DSCAM: variants seen among roughly 807,000 people sequenced by gnomAD.
DSCAM encodes DS cell adhesion molecule.
In DSCAM, 47 loss-of-function variants were observed where a neutral mutation model predicts 217.7. The observed-to-expected ratio is 0.22, with a 90% CI of 0.17 to 0.28. The LOEUF is 0.28. Among genes scored for constraint, DSCAM ranks in the 10% least tolerant of loss-of-function variants. The pLI, the probability that DSCAM is intolerant of heterozygous loss-of-function variation, is 1.00. For synonymous variants in DSCAM, 1,056 were observed against 1,015.3 expected, an observed-to-expected ratio of 1.04 and a Z score of -0.76; for missense variants, 2,080 against 2,618.3, an observed-to-expected ratio of 0.79 and a Z score of 4.49.
rs555820259 is a variant in DSCAM at position 40,435,418 on chromosome 21, G to T, written c.509-66173C>A. The stretch of plus-strand genomic sequence containing the variant: ...TGGGATCCATTCTGAGTGAATTTTT[G>T]TATAATCTTTATGTCAAACCCTGGT... On this transcript the variant is annotated intron_variant, in intron 3 of 32. Coordinates refer to ENST00000400454, the MANE Select transcript of DSCAM (RefSeq NM_001389.5). 4.0e-4 allele frequency among the ~76,000 whole-genome samples: 61 copies of T among 152,080 alleles called. 1 individual carries two copies. The highest frequency in any genetic ancestry group is 6.3e-4 in the Non-Finnish European group (43 of 67,998).
intron 3 of DSCAM, among the ~76,000 whole-genome samples, chr21:40,676,905 C>T (rs1217480139): frequency 6.6e-6 from 1 of 152,016 alleles, no homozygotes; most frequent in Non-Finnish European, 1.5e-5. Flanking sequence ...GGGCCTCGTG[C>T]TCCCTGGCTC....
At position 40,016,275 on chromosome 21, in the gene DSCAM, AGAG is replaced by A. The variant is rs1206185909; in HGVS notation, c.5687-2892_5687-2890del. ...GTCAATGACAAGTGGGAGTGGTGAC[AGAG>A]GAGAAGGGGTTAGGGGTGACTCCTT... is the stretch of plus-strand genomic sequence containing the variant. On this transcript the variant is annotated intron_variant, in intron 32 of 32. Transcript: ENST00000400454. The surrounding 1 kb of genome is among the most constrained non-coding windows in gnomAD (Gnocchi z 4.3). Among the ~76,000 whole-genome samples, 1 of 152,194 alleles carries A rather than the reference AGAG, an allele frequency of 6.6e-6. No homozygotes were observed. The highest frequency in any genetic ancestry group is 1.5e-5 in the Non-Finnish European group (1 of 68,038).
At position 40,325,122 on chromosome 21, in the gene DSCAM, T is replaced by G. The variant is rs144271637; in HGVS notation, c.1784-12763A>C. Among the ~76,000 whole-genome samples, 322 of 152,346 alleles carry G rather than the reference T, an allele frequency of 2.1e-3. 4 individuals carry two copies. The Middle Eastern group carries it at 0.024, about 11-fold the overall frequency. On this transcript the variant is annotated intron_variant, in intron 8 of 32. Coordinates refer to ENST00000400454, the MANE Select transcript of DSCAM (RefSeq NM_001389.5). ...GAAAAGGTCATAGCTCTTTAGAAGCTTGGTTAATAATAACTGACTTGAAGA... is the reference window on the plus strand; with the variant it reads ...GAAAAGGTCATAGCTCTTTAGAAGCGTGGTTAATAATAACTGACTTGAAGA...
chr21:40,238,742 C>G (rs1040971095), intron 11 of DSCAM, among the ~76,000 whole-genome samples: 1 of 152,160 alleles, frequency 6.6e-6, no homozygotes, highest in Non-Finnish European at 1.5e-5. Context: ...CCTTAAATGA[C>G]ATGCAACTAT....
At chr21:40,233,868 T>C (rs190892293) in intron 11 of DSCAM, among the ~76,000 whole-genome samples, 4 of 152,316 alleles carry the variant, frequency 2.6e-5, no homozygotes, top group Admixed American at 2.6e-4. Flanking sequence ...GTAATAGTTC[T>C]TGCATGTTAA....
At chr21:40,319,121 C>A (rs2074232349) in intron 8 of DSCAM, among the ~76,000 whole-genome samples, 1 of 152,060 alleles carries the variant, frequency 6.6e-6, no homozygotes, top group Non-Finnish European at 1.5e-5. Context: ...TTTGAAATAC[C>A]ACATTTGAAT....
At chr21:40,577,627 G>C (rs988266092) in intron 3 of DSCAM, among the ~76,000 whole-genome samples, 1 of 152,238 alleles carries the variant, frequency 6.6e-6, no homozygotes, top group South Asian at 2.1e-4. Context: ...GACGAGAGAC[G>C]GCTAACGCTC....
Position 40,029,416 on chromosome 21 carries a change from A to T in DSCAM, c.5686+12955T>A, listed in dbSNP as rs557629126. Among the ~76,000 whole-genome samples the T allele has an allele frequency of 4.5e-4, 63 of 140,878 alleles. 1 individual carries two copies. The South Asian group carries it at 4.7e-3, about 11-fold the overall frequency. 92.4% of individuals were successfully genotyped at this position (140,878 alleles called of 152,430 possible). A position where few individuals can be genotyped will look rare whatever the true frequency, so the allele number is the denominator to read the frequency against. On this transcript the variant is annotated intron_variant, in intron 32 of 32. Transcript: ENST00000400454. ...TTTCAGCCCCTTCCTTGGGGAATGC[A>T]TTTGAGGTTGTTTTTTTTTTTTTTA...
intron 3 of DSCAM, among the ~76,000 whole-genome samples, chr21:40,659,593 G>C (rs1237163758): frequency 1.3e-5 from 2 of 151,578 alleles, no homozygotes; most frequent in Non-Finnish European, 2.9e-5. Flanking sequence ...TCATCTATCT[G>C]CCTTTCTACC....
chr21:40,726,581 TGTAA>T lies in DSCAM; in HGVS notation c.44-17814_44-17811del, dbSNP rs1048601109. The stretch of plus-strand genomic sequence containing the variant: ...AAAAATACTCACAGAAAGCAAAGTC[TGTAA>T]GTGAGTGTGTTTCCAGAGAGTTTGT... On this transcript the variant is annotated intron_variant, in intron 1 of 32. Coordinates refer to ENST00000400454, the MANE Select transcript of DSCAM (RefSeq NM_001389.5). Among the ~76,000 whole-genome samples the T allele has an allele frequency of 4.6e-5, 7 of 151,200 alleles. No homozygotes were observed. The East Asian group carries it at 5.8e-4, about 13-fold the overall frequency.
intron 3 of DSCAM, among the ~76,000 whole-genome samples, chr21:40,469,140 C>A (rs2075868091): frequency 6.6e-6 from 1 of 152,176 alleles, no homozygotes; most frequent in South Asian, 2.1e-4. Flanking sequence ...ACTATAACAA[C>A]CCCTACCCTG....
In DSCAM at chr21:40,229,455, T is replaced by C. The variant is rs147632617; in HGVS notation, c.2357-40217A>G. Among the ~76,000 whole-genome samples, 15 of 152,356 alleles carry C rather than the reference T, an allele frequency of 9.8e-5. No homozygotes were observed. The East Asian group carries it at 2.9e-3, about 29-fold the overall frequency. On this transcript the variant is annotated intron_variant, in intron 11 of 32. Transcript: ENST00000400454. ...TGGTGTTACATATTCATGGTTGCATTATCATACATAATATCCTCAACTCCC... is the reference window on the plus strand; with the variant it reads ...TGGTGTTACATATTCATGGTTGCATCATCATACATAATATCCTCAACTCCC...
At chr21:40,493,026 T>C (rs1183279208) in intron 3 of DSCAM, among the ~76,000 whole-genome samples, 2 of 152,052 alleles carry the variant, frequency 1.3e-5, no homozygotes, top group African/African-American at 4.8e-5. Context: ...CCAATAAAGC[T>C]AGCAGCAGAT....
intron 1 of DSCAM, among the ~76,000 whole-genome samples, chr21:40,832,997 A>G (rs528408505): frequency 6.6e-6 from 1 of 152,334 alleles, no homozygotes; most frequent in South Asian, 2.1e-4. Flanking sequence ...TTATCAGAAA[A>G]CAAAACCAGA....
At chr21:40,131,629 T>G (rs1296899100) in intron 19 of DSCAM, among the ~76,000 whole-genome samples, 3 of 152,160 alleles carry the variant, frequency 2.0e-5, no homozygotes, top group Non-Finnish European at 4.4e-5. Flanking sequence ...TTCACCATGT[T>G]GGCCAGGCTG....
chr21:40,411,357 AAG>A (rs915373673), intron 3 of DSCAM, among the ~76,000 whole-genome samples: 8 of 152,174 alleles, frequency 5.3e-5, no homozygotes, highest in Admixed American at 1.3e-4. Flanking sequence ...GAAGGCAAGA[AAG>A]GGGGAAAGAT....
At chr21:40,698,730 C>A (rs902514582) in intron 2 of DSCAM, among the ~76,000 whole-genome samples, 1 of 152,034 alleles carries the variant, frequency 6.6e-6, no homozygotes, top group African/African-American at 2.4e-5. Flanking sequence ...ATTAGCCAGG[C>A]GTGGTGGCGC....
chr21:40,025,406 C>T (rs1375672044), intron 32 of DSCAM, among the ~76,000 whole-genome samples: 3 of 143,658 alleles, frequency 2.1e-5, no homozygotes, highest in Non-Finnish European at 1.5e-5. Flanking sequence ...AGGGAGGATT[C>T]CCTCTTTTTC....
At chr21:40,478,544 A>G (rs2075956430) in intron 3 of DSCAM, among the ~76,000 whole-genome samples, 1 of 152,230 alleles carries the variant, frequency 6.6e-6, no homozygotes, top group East Asian at 1.9e-4. Flanking sequence ...TTTTTGTTAC[A>G]TATAATCTTC....
Sources: gnomAD v4.1 joint callset for allele counts (sites outside exome capture counted in the v4.1 genomes callset) on GRCh38, gnomAD v4.1.1 for gene constraint, Gnocchi (gnomAD v3.1) non-coding constraint, MANE v1.5 for transcripts, NCBI Gene and HGNC (gene_info 2026-07-23, HGNC 2026-07-21) for gene names.